The following RIMKLA variants were observed in gnomAD, a reference collection of about 807,000 sequenced individuals.
The protein encoded by RIMKLA is ribosomal modification protein rimK like family member A, also known as N-acetylaspartylglutamate synthase A.
In RIMKLA, 14 loss-of-function variants were observed where a neutral mutation model predicts 32.7. That is an observed-to-expected ratio of 0.43 (90% CI 0.28 to 0.67). RIMKLA has a LOEUF of 0.67. Ranked by LOEUF, RIMKLA falls within the 30% of genes least tolerant of loss-of-function variation. The pLI, the probability that RIMKLA is intolerant of heterozygous loss-of-function variation, is 0.18. For missense variants in RIMKLA, 410 were observed against 519.0 expected, an observed-to-expected ratio of 0.79 and a Z score of 2.04; for synonymous variants, 176 against 204.1, an observed-to-expected ratio of 0.86 and a Z score of 1.18.
chr1:42,398,777 G>A (rs1437347294), intron 1 of RIMKLA, among the ~76,000 whole-genome samples: 1 of 151,920 alleles, frequency 6.6e-6, no homozygotes, highest in Non-Finnish European at 1.5e-5. Context: ...GATCAGCCTG[G>A]GCAACATGGC....
Position 42,409,969 on chromosome 1 carries a change from T to C in RIMKLA, c.482-15T>C, listed in dbSNP as rs201580492. On this transcript the variant is annotated splice_polypyrimidine_tract_variant and intron_variant, in intron 3 of 4. Coordinates refer to ENST00000431473, the MANE Select transcript of RIMKLA (RefSeq NM_173642.4). ...GCTTCTCTAACCCCTTCTCTTGCTCTTTTTCTTCTTAAAGGAAAAGCTGTT... is the reference window on the plus strand; with the variant it reads ...GCTTCTCTAACCCCTTCTCTTGCTCCTTTTCTTCTTAAAGGAAAAGCTGTT... 6.2e-7 allele frequency: 1 copy of C among 1,610,456 alleles called. No homozygotes were observed. Among genetic ancestry groups the C allele is most frequent in the African/African-American group, 1.3e-5 (1 of 74,944 alleles).
At chr1:42,400,263 C>G (rs537964163) in intron 2 of RIMKLA, among the ~76,000 whole-genome samples, 5 of 152,108 alleles carry the variant, frequency 3.3e-5, no homozygotes, top group Non-Finnish European at 5.9e-5. Context: ...GCACTATATA[C>G]AGCAGGTGAA....
chr1:42,408,766 G>C (rs192318661), intron 3 of RIMKLA, among the ~76,000 whole-genome samples: 5 of 152,284 alleles, frequency 3.3e-5, no homozygotes, highest in African/African-American at 1.2e-4. Context: ...TCCAGTCCTT[G>C]TAAGATGGTG....
At position 42,422,387 on chromosome 1, in the gene RIMKLA, C is replaced by T. The variant is rs1161093303; in HGVS notation, c.*7413C>T. ...GCTAAATTCCCTCCAGGAAAGTGGA[C>T]TGTAGCTTTTCCTGCCTAACTGGCA... On this transcript the variant is annotated 3_prime_UTR_variant, in exon 5 of 5. Coordinates refer to ENST00000431473, the MANE Select transcript of RIMKLA (RefSeq NM_173642.4). 1 of 152,252 alleles carries T rather than the reference C, an allele frequency of 6.6e-6. No homozygotes were observed. The highest frequency in any genetic ancestry group is 1.5e-5 in the Non-Finnish European group (1 of 68,042). The allele number at this position is 152,252 out of a possible 1,614,324, so 9.4% of individuals were successfully genotyped here.
chr1:42,391,038 A>C (rs1642995998), intron 1 of RIMKLA, among the ~76,000 whole-genome samples: 1 of 152,180 alleles, frequency 6.6e-6, no homozygotes, highest in Non-Finnish European at 1.5e-5. Context: ...TTGTGGGGTC[A>C]ATGCATAGCT....
rs982982735 is a variant in RIMKLA at position 42,380,988 on chromosome 1, G to A, written c.54G>A (p.Pro18=). The A allele has an allele frequency of 5.5e-6, 8 of 1,450,772 alleles. No individual in the cohort carries two copies. Among genetic ancestry groups the A allele is most frequent in the Non-Finnish European group, 7.3e-6 (8 of 1,101,474 alleles). The allele number at this position is 1,450,772 out of a possible 1,614,324, so 89.9% of individuals were successfully genotyped here. ...LTDRRIREDY[P]QVQILRALRQ... ...ACCGGCGCATCCGCGAGGACTACCC[G>A]CAGGTGCAGATCCTGCGCGCCCTCC... Residue 18 remains proline (P), a synonymous_variant, in exon 1 of 5, where the codon CCG becomes CCA. Transcript: ENST00000431473.
chr1:42,404,639 C>G (rs201795383), intron 3 of RIMKLA, 42 bp downstream of exon 3: 1 of 1,253,794 alleles, frequency 8.0e-7, no homozygotes, highest in Non-Finnish European at 1.2e-6. Flanking sequence ...AATCAGCCCA[C>G]TAGGGCTGCT....
intron 1 of RIMKLA, among the ~76,000 whole-genome samples, chr1:42,386,549 GA>G (rs1392006574): frequency 6.7e-6 from 1 of 150,092 alleles, no homozygotes; most frequent in African/African-American, 2.5e-5. Context: ...AACATATTCT[GA>G]AAAATTTTTT....
chr1:42,398,298 C>T (rs975957545), intron 1 of RIMKLA, among the ~76,000 whole-genome samples: 2 of 152,176 alleles, frequency 1.3e-5, no homozygotes, highest in African/African-American at 2.4e-5. Context: ...TCACTTCAAG[C>T]TAATATTCCT....
chr1:42,392,327 A>G (rs1643006334), intron 1 of RIMKLA, among the ~76,000 whole-genome samples: 1 of 152,114 alleles, frequency 6.6e-6, no homozygotes, highest in Admixed American at 6.5e-5. Flanking sequence ...CCCCCTGCTC[A>G]ACAAGACCCA....
chr1:42,397,753 C>T (rs1643060767), intron 1 of RIMKLA, among the ~76,000 whole-genome samples: 1 of 152,134 alleles, frequency 6.6e-6, no homozygotes. Flanking sequence ...ACAATATATT[C>T]TTTAGAGCAT....
chr1:42,410,828 G>A (rs1350385768), intron 4 of RIMKLA, among the ~76,000 whole-genome samples: 1 of 150,132 alleles, frequency 6.7e-6, no homozygotes, highest in Non-Finnish European at 1.5e-5. Flanking sequence ...TTGGTGATAG[G>A]AAAAAAAAAA....
intron 3 of RIMKLA, among the ~76,000 whole-genome samples, chr1:42,407,259 G>A (rs889326568): frequency 2.6e-5 from 4 of 152,098 alleles, no homozygotes; most frequent in African/African-American, 9.7e-5. Flanking sequence ...GTTTGAACAT[G>A]TTTTTCACAT....
chr1:42,409,243 A>G (rs941621350), intron 3 of RIMKLA, among the ~76,000 whole-genome samples: 3 of 149,190 alleles, frequency 2.0e-5, no homozygotes, highest in African/African-American at 7.4e-5. Context: ...CTGATGCTAA[A>G]TAATTACAAA....
rs1423595180 is a variant in RIMKLA, at chr1:42,421,798, ATT to A, written c.*6825_*6826del. 2.0e-5 allele frequency: 3 copies of A among 152,236 alleles called. No homozygotes were observed. The highest frequency in any genetic ancestry group is 4.4e-5 in the Non-Finnish European group (3 of 68,040). 9.4% of individuals were successfully genotyped at this position (152,236 alleles called of 1,614,324 possible). A position where few individuals can be genotyped will look rare whatever the true frequency, so the allele number is the denominator to read the frequency against. On this transcript the variant is annotated 3_prime_UTR_variant, in exon 5 of 5. Transcript: ENST00000431473. The surrounding 1 kb of genome is among the most constrained non-coding windows in gnomAD (Gnocchi z 4.6). ...CCATTAGAGATTATATTAACCTGCA[ATT>A]AAATAAAGTATGTTAAAAACAGTAA...
At chr1:42,402,558 C>T (rs1256380346) in intron 2 of RIMKLA, among the ~76,000 whole-genome samples, 1 of 151,150 alleles carries the variant, frequency 6.6e-6, no homozygotes, top group Non-Finnish European at 1.5e-5. Context: ...AGATTTTCCT[C>T]TACAGCCACC....
intron 3 of RIMKLA, 43 bp downstream of exon 3, chr1:42,404,640 T>A: frequency 8.0e-7 from 1 of 1,252,426 alleles, no homozygotes; most frequent in Non-Finnish European, 1.2e-6. Flanking sequence ...ATCAGCCCAC[T>A]AGGGCTGCTG....
intron 1 of RIMKLA, 62 bp downstream of exon 1, chr1:42,381,159 G>C: frequency 8.3e-7 from 1 of 1,206,524 alleles, no homozygotes; most frequent in Non-Finnish European, 1.0e-6. Flanking sequence ...AGCCGGTCGG[G>C]TGGGCGCGCT....
chr1:42,380,813 G>A lies in RIMKLA; in HGVS notation c.-122G>A, dbSNP rs1570310419. 6.8e-6 allele frequency: 3 copies of A among 440,626 alleles called. No individual in the cohort carries two copies. The highest frequency in any genetic ancestry group is 9.8e-5 in the South Asian group (1 of 10,168). 27.3% of individuals were successfully genotyped at this position (440,626 alleles called of 1,614,324 possible). ...GGCTGCAGAGACGCCTGGCGCACCC[G>A]CGGGAGCGGAGCCGTGGCGCGCTCG... On this transcript the variant is annotated 5_prime_UTR_variant, in exon 1 of 5. Coordinates refer to ENST00000431473, the MANE Select transcript of RIMKLA (RefSeq NM_173642.4).
Sources: allele counts gnomAD v4.1 joint callset (sites outside exome capture counted in the v4.1 genomes callset), GRCh38; gene constraint gnomAD v4.1.1; non-coding constraint Gnocchi (gnomAD v3.1); transcripts MANE v1.5; gene names NCBI Gene and HGNC (gene_info 2026-07-23, HGNC 2026-07-21).